The following HDGF variants were observed in gnomAD, a reference collection of about 807,000 sequenced individuals.
HDGF encodes the protein hepatoma-derived growth factor.
A neutral mutation model predicts 30.0 loss-of-function variants in HDGF; 5 were observed. That is an observed-to-expected ratio of 0.17 (90% CI 0.09 to 0.35). The LOEUF is 0.35. HDGF is among the 10% of genes least tolerant of loss of function. The pLI is 1.00. For missense variants in HDGF, 214 were observed against 302.8 expected, an observed-to-expected ratio of 0.71 and a Z score of 2.18; for synonymous variants, 133 against 112.7, an observed-to-expected ratio of 1.18 and a Z score of -1.14.
At chr1:156,749,896 C>A (rs1333020239) in intron 1 of HDGF, among the ~76,000 whole-genome samples, 1 of 152,208 alleles carries the variant, frequency 6.6e-6, no homozygotes, top group Non-Finnish European at 1.5e-5. Context: ...CCACCAGGGC[C>A]TTGGCATCTG....
At chr1:156,764,880 T>C (rs1456644796) in intron 1 of HDGF, among the ~76,000 whole-genome samples, 4 of 145,514 alleles carry the variant, frequency 2.7e-5, no homozygotes, top group Non-Finnish European at 3.0e-5. Flanking sequence ...TACAAGACTC[T>C]ATCTCCAAAA....
upstream of HDGF, among the ~76,000 whole-genome samples, chr1:156,753,426 T>C (rs1196755190): frequency 1.3e-5 from 2 of 152,242 alleles, no homozygotes; most frequent in Non-Finnish European, 2.9e-5. Flanking sequence ...GTCAGTGTAA[T>C]AGTCCAGATT....
chr1:156,752,385 A>C (rs544040099), upstream of HDGF: 1 of 1,550,160 alleles, frequency 6.5e-7, no homozygotes. Context: ...TCTCTAAGCT[A>C]CTGTCTTGCC....
Position 156,744,116 on chromosome 1 carries a change from A to C in HDGF, c.489+47T>G, listed in dbSNP as rs1650334890. The C allele has an allele frequency of 3.8e-6, 6 of 1,581,932 alleles. No homozygotes were observed. In the South Asian group the frequency reaches 5.5e-5, roughly 15 times the overall value. On this transcript the variant is annotated intron_variant, in intron 4 of 5. Coordinates refer to ENST00000357325, the MANE Select transcript of HDGF (RefSeq NM_004494.3). The stretch of plus-strand genomic sequence containing the variant: ...AAGCCCTGCTCCTGTGGGATACCCC[A>C]TGGGGAATGTTGAGGGGGGCCCAGG...
chr1:156,761,517 G>A (rs1427707999), intron 1 of HDGF, among the ~76,000 whole-genome samples: 1 of 151,142 alleles, frequency 6.6e-6, no homozygotes. Flanking sequence ...GCTGAGGCAG[G>A]AGAATTGCTT....
intron 1 of HDGF, among the ~76,000 whole-genome samples, chr1:156,760,837 C>G (rs987674550): frequency 2.0e-5 from 3 of 150,108 alleles, no homozygotes; most frequent in African/African-American, 7.5e-5. Context: ...CTTTTTCTCC[C>G]CCAGCCTTTT....
intron 1 of HDGF, among the ~76,000 whole-genome samples, chr1:156,762,225 T>C (rs913109649): frequency 5.5e-5 from 8 of 146,534 alleles, no homozygotes; most frequent in African/African-American, 2.0e-4. Flanking sequence ...ACAAACAACA[T>C]GAACAACAGT....
chr1:156,746,667 C>G (rs1224456880), intron 1 of HDGF, among the ~76,000 whole-genome samples: 5 of 152,116 alleles, frequency 3.3e-5, no homozygotes, highest in Admixed American at 6.5e-5. Flanking sequence ...TCTCCCAGAT[C>G]AGGCCTGGAA....
intron 1 of HDGF, among the ~76,000 whole-genome samples, chr1:156,747,131 G>C (rs904358372): frequency 4.6e-5 from 7 of 151,284 alleles, no homozygotes; most frequent in Non-Finnish European, 7.4e-5. Flanking sequence ...GTGAGAGCAG[G>C]GGGTGGAAAG....
At position 156,761,955 on chromosome 1, in the gene HDGF, A is replaced by C. The variant is rs530552761; in HGVS notation, n.137-2736T>G. Among the ~76,000 whole-genome samples the C allele has an allele frequency of 8.3e-4, 96 of 116,156 alleles. 1 individual carries two copies. The highest frequency in any genetic ancestry group is 2.8e-3 in the African/African-American group (92 of 32,496). 76.2% of individuals were successfully genotyped at this position (116,156 alleles called of 152,430 possible). A position where few individuals can be genotyped will look rare whatever the true frequency, so the allele number is the denominator to read the frequency against. On this transcript the variant is annotated intron_variant and non_coding_transcript_variant, in intron 1 of 7. Coordinates refer to the HDGF transcript ENST00000465180. ...TCTCCATCTCAAAAAAAAAAAAATT[A>C]ATTAATTAAAAAAAAAACACAAAAA...
intron 1 of HDGF, among the ~76,000 whole-genome samples, chr1:156,764,864 C>A (rs560717233): frequency 5.6e-5 from 8 of 143,614 alleles, no homozygotes; most frequent in Non-Finnish European, 9.0e-5. Flanking sequence ...CCAGCATGGG[C>A]GACAGTACAA....
upstream of HDGF, among the ~76,000 whole-genome samples, chr1:156,754,807 G>C (rs750201010): frequency 9.9e-5 from 15 of 152,156 alleles, no homozygotes; most frequent in Non-Finnish European, 2.1e-4. Context: ...AAATTAACTG[G>C]GTGTGTGGCA....
chr1:156,766,556 G>A (rs1651383134), intron 1 of HDGF, among the ~76,000 whole-genome samples: 1 of 152,192 alleles, frequency 6.6e-6, no homozygotes, highest in Non-Finnish European at 1.5e-5. Context: ...AGACATAAAT[G>A]GGCTGGACAA....
chr1:156,751,932 G>T, upstream of HDGF: 1 of 1,116,372 alleles, frequency 9.0e-7, no homozygotes, highest in Non-Finnish European at 1.3e-6. The surrounding 1 kb of genome is among the most constrained non-coding windows in gnomAD (Gnocchi z 4.7). Flanking sequence ...ACGCCGAGCA[G>T]GCTTTGTGTG....
At chr1:156,750,981 G>T (rs1049852343) in intron 1 of HDGF, among the ~76,000 whole-genome samples, 1 of 151,514 alleles carries the variant, frequency 6.6e-6, no homozygotes, top group Non-Finnish European at 1.5e-5. Flanking sequence ...TCGGGGGAAG[G>T]AATAACACGA....
At chr1:156,766,105 GCA>G (rs1195415541) in intron 1 of HDGF, among the ~76,000 whole-genome samples, 1 of 152,198 alleles carries the variant, frequency 6.6e-6, no homozygotes, top group Non-Finnish European at 1.5e-5. Context: ...TAAAGTTTGA[GCA>G]CAGATTGCTC....
intron 1 of HDGF, among the ~76,000 whole-genome samples, chr1:156,761,421 C>T (rs191331941): frequency 6.7e-6 from 1 of 149,604 alleles, no homozygotes; most frequent in African/African-American, 2.5e-5. Flanking sequence ...CCAGTCTGGC[C>T]AACATGGTAA....
At chr1:156,755,322 G>A (rs1478680851), upstream of HDGF, among the ~76,000 whole-genome samples, 2 of 152,120 alleles carry the variant, frequency 1.3e-5, no homozygotes, top group Non-Finnish European at 1.5e-5. Context: ...ATTTCTGTAC[G>A]GATCAAGAAG....
At chr1:156,766,208 T>G (rs1212822011) in intron 1 of HDGF, among the ~76,000 whole-genome samples, 1 of 152,134 alleles carries the variant, frequency 6.6e-6, no homozygotes, top group African/African-American at 2.4e-5. Context: ...GCTCGTCTGA[T>G]AGAGGATTCA....
Sources: allele counts gnomAD v4.1 joint callset (sites outside exome capture counted in the v4.1 genomes callset), GRCh38; gene constraint gnomAD v4.1.1; non-coding constraint Gnocchi (gnomAD v3.1); transcripts MANE v1.5; gene names NCBI Gene and HGNC (gene_info 2026-07-23, HGNC 2026-07-21).